Variants in SGCZ observed in about 807,000 individuals in gnomAD.
SGCZ encodes the protein zeta-sarcoglycan.
A neutral mutation model predicts 41.3 loss-of-function variants in SGCZ; 40 were observed. The observed-to-expected ratio is 0.97, with a 90% CI of 0.75 to 1.26. SGCZ has a LOEUF of 1.26. Among genes scored for constraint, SGCZ ranks in the 50% most tolerant of loss-of-function variants. The probability of loss-of-function intolerance (pLI) is 0.00; values close to 1 mark genes in which losing one functional copy is unlikely to be tolerated. For synonymous variants in SGCZ, 206 were observed against 137.5 expected, an observed-to-expected ratio of 1.50 and a Z score of -3.49; for missense variants, 552 against 369.8, an observed-to-expected ratio of 1.49 and a Z score of -4.04.
chr8:15,124,844 G>C (rs1338751042), intron 1 of SGCZ, among the ~76,000 whole-genome samples: 1 of 152,026 alleles, frequency 6.6e-6, no homozygotes, highest in Non-Finnish European at 1.5e-5. Flanking sequence ...TAAAAAATCA[G>C]GGAGGAAGGA....
At chr8:14,563,942 G>C (rs1324698355) in intron 1 of SGCZ, among the ~76,000 whole-genome samples, 1 of 151,958 alleles carries the variant, frequency 6.6e-6, no homozygotes, top group Non-Finnish European at 1.5e-5. Context: ...TGAATATAAT[G>C]AGGAGAGACA....
chr8:14,379,972 A>T (rs904684777), intron 2 of SGCZ, among the ~76,000 whole-genome samples: 4 of 152,122 alleles, frequency 2.6e-5, no homozygotes, highest in African/African-American at 9.7e-5. Context: ...ACCTCAGGTG[A>T]TCCACCCACC....
intron 2 of SGCZ, among the ~76,000 whole-genome samples, chr8:14,325,937 C>T (rs1041276221): frequency 6.8e-6 from 1 of 147,748 alleles, no homozygotes; most frequent in Non-Finnish European, 1.5e-5. Flanking sequence ...ACGGTGAAAC[C>T]CTGTCTCTAC....
At chr8:14,262,026 T>C (rs765095828) in intron 3 of SGCZ, among the ~76,000 whole-genome samples, 4 of 152,126 alleles carry the variant, frequency 2.6e-5, no homozygotes, top group Non-Finnish European at 4.4e-5. Context: ...CACGACAAAA[T>C]AGGCACTAAT....
chr8:14,439,966 G>C (rs1036108022), intron 2 of SGCZ, among the ~76,000 whole-genome samples: 1 of 151,436 alleles, frequency 6.6e-6, no homozygotes, highest in African/African-American at 2.4e-5. Context: ...GACTTCTTGA[G>C]ATTACATATT....
chr8:15,204,159 CTG>C (rs151167010), intron 1 of SGCZ, among the ~76,000 whole-genome samples: 8,279 of 152,166 alleles, frequency 0.054, 250 homozygotes, highest in South Asian at 0.074. Context: ...GGAGAGAACT[CTG>C]TATATCCAAT....
chr8:15,035,463 T>C (rs988848795), intron 1 of SGCZ, among the ~76,000 whole-genome samples: 28 of 152,122 alleles, frequency 1.8e-4, no homozygotes, highest in African/African-American at 6.8e-4. Context: ...ACAACCAGAA[T>C]ACAATTAACA....
chr8:14,660,302 T>G (rs1235811991), intron 1 of SGCZ, among the ~76,000 whole-genome samples: 1 of 151,890 alleles, frequency 6.6e-6, no homozygotes, highest in Non-Finnish European at 1.5e-5. Flanking sequence ...CTGGGCACAG[T>G]GGCTCATGCC....
chr8:14,496,871 T>C (rs1483013863), intron 2 of SGCZ, among the ~76,000 whole-genome samples: 6 of 152,326 alleles, frequency 3.9e-5, no homozygotes, highest in Admixed American at 1.3e-4. Flanking sequence ...TATTATGATA[T>C]ACATCTATTT....
At chr8:14,451,450 G>C (rs1019956204) in intron 2 of SGCZ, among the ~76,000 whole-genome samples, 2 of 152,016 alleles carry the variant, frequency 1.3e-5, no homozygotes, top group African/African-American at 4.8e-5. Context: ...TTACATTTTT[G>C]CTTATGTTTG....
At chr8:15,011,060 A>T (rs1268262818) in intron 1 of SGCZ, among the ~76,000 whole-genome samples, 2 of 152,252 alleles carry the variant, frequency 1.3e-5, no homozygotes, top group East Asian at 3.9e-4. Flanking sequence ...TTTTTCTTTA[A>T]ATTTCCAAAA....
At chr8:14,431,676 G>C (rs1799945755) in intron 2 of SGCZ, among the ~76,000 whole-genome samples, 2 of 152,000 alleles carry the variant, frequency 1.3e-5, no homozygotes, top group Admixed American at 6.6e-5. Flanking sequence ...TAAACATAAA[G>C]ATAAATAGCT....
At chr8:15,042,451 C>T (rs1468173869) in intron 1 of SGCZ, among the ~76,000 whole-genome samples, 4 of 152,166 alleles carry the variant, frequency 2.6e-5, no homozygotes, top group African/African-American at 4.8e-5. Flanking sequence ...CACTAGACCC[C>T]ACTGTGCCAC....
At chr8:14,262,481 C>A (rs577068739) in intron 3 of SGCZ, among the ~76,000 whole-genome samples, 1 of 151,888 alleles carries the variant, frequency 6.6e-6, no homozygotes, top group Admixed American at 6.6e-5. Flanking sequence ...AAGTGGAATA[C>A]CCACATGTGA....
At chr8:14,720,913 T>C (rs991653851) in intron 1 of SGCZ, among the ~76,000 whole-genome samples, 1 of 8,400 alleles carries the variant, frequency 1.2e-4, no homozygotes. Context: ...ATGGAAACTG[T>C]TTTTTTTTTA....
At chr8:14,615,088 A>G (rs529570700) in intron 1 of SGCZ, among the ~76,000 whole-genome samples, 1 of 152,276 alleles carries the variant, frequency 6.6e-6, no homozygotes, top group East Asian at 1.9e-4. Flanking sequence ...TGTAAAAAAC[A>G]TTTATAGTAG....
intron 1 of SGCZ, among the ~76,000 whole-genome samples, chr8:14,922,399 A>T (rs1182865352): frequency 6.6e-6 from 1 of 152,168 alleles, no homozygotes; most frequent in Non-Finnish European, 1.5e-5. Context: ...AAATATTGAG[A>T]AAACAGTGAT....
intron 1 of SGCZ, among the ~76,000 whole-genome samples, chr8:15,179,927 T>C (rs1355415596): frequency 6.6e-6 from 1 of 152,226 alleles, no homozygotes; most frequent in Non-Finnish European, 1.5e-5. Flanking sequence ...TGTAGGATTA[T>C]GCCGGCCAGT....
intron 1 of SGCZ, among the ~76,000 whole-genome samples, chr8:14,692,987 T>G (rs1808846549): frequency 6.6e-6 from 1 of 152,192 alleles, no homozygotes; most frequent in Non-Finnish European, 1.5e-5. Flanking sequence ...TTTTCAGAGC[T>G]CTCTGTATAA....
Sources: allele counts gnomAD v4.1 joint callset (sites outside exome capture counted in the v4.1 genomes callset), GRCh38; gene constraint gnomAD v4.1.1; transcripts MANE v1.5; gene names NCBI Gene and HGNC (gene_info 2026-07-23, HGNC 2026-07-21).